Variants in PRR14L observed in about 807,000 individuals in gnomAD.
The protein encoded by PRR14L is proline rich 14 like.
In PRR14L, 80 loss-of-function variants were observed where a neutral mutation model predicts 155.0. The observed-to-expected ratio is 0.52, with a 90% CI of 0.43 to 0.62. The LOEUF (loss-of-function observed/expected upper bound fraction) is 0.62. Ranked by LOEUF, PRR14L falls within the 20% of genes least tolerant of loss-of-function variation. The pLI is 0.00. For missense variants in PRR14L, 2,469 were observed against 2,548.0 expected (o/e 0.97, Z 0.67); for synonymous variants, 883 against 916.0 (o/e 0.96, Z 0.65).
In PRR14L at chr22:31,720,792, A is replaced by T. The variant is rs192203969; in HGVS notation, c.548-3501T>A. 3.0e-3 allele frequency among the ~76,000 whole-genome samples: 455 copies of T among 152,246 alleles called. 3 individuals are homozygous for T. Among genetic ancestry groups the T allele is most frequent in the Non-Finnish European group, 5.2e-3 (357 of 68,016 alleles). On this transcript the variant is annotated intron_variant, in intron 3 of 8. Coordinates refer to ENST00000327423, the MANE Select transcript of PRR14L (RefSeq NM_173566.3). ...CAGTTCTCCAAATTATATAAGGTAG[A>T]TTTTCCCTCCTTGACTACTTTCACC... is the stretch of plus-strand genomic sequence containing the variant.
chr22:31,719,654 T>C (rs1001050893), intron 3 of PRR14L, among the ~76,000 whole-genome samples: 1 of 152,062 alleles, frequency 6.6e-6, no homozygotes, highest in African/African-American at 2.4e-5. Flanking sequence ...CATTTCTCAA[T>C]AGGTCCTGAG....
At chr22:31,733,308 T>TTTTTTTG (rs1428506232) in intron 2 of PRR14L, among the ~76,000 whole-genome samples, 1 of 141,100 alleles carries the variant, frequency 7.1e-6, no homozygotes, top group African/African-American at 2.7e-5. Flanking sequence ...GTTTTTTTTT[T>TTTTTTTG]TTTTTTTTTT....
intron 7 of PRR14L, among the ~76,000 whole-genome samples, chr22:31,700,245 T>A (rs569127001): frequency 1.3e-5 from 2 of 152,370 alleles, no homozygotes; most frequent in East Asian, 3.9e-4. Flanking sequence ...CTCTCCCAAC[T>A]ACTTATTTAT....
chr22:31,719,897 C>T (rs1390369607), intron 3 of PRR14L, among the ~76,000 whole-genome samples: 3 of 152,052 alleles, frequency 2.0e-5, no homozygotes, highest in East Asian at 1.9e-4. Context: ...CCACCATGTC[C>T]GGCTAATTTT....
intron 7 of PRR14L, among the ~76,000 whole-genome samples, chr22:31,692,249 T>C (rs2074515448): frequency 6.6e-6 from 1 of 152,182 alleles, no homozygotes; most frequent in East Asian, 1.9e-4. Context: ...TGCCAATTTT[T>C]TTTTTTACAG....
In PRR14L at chr22:31,738,535, T is replaced by G; in HGVS notation, c.326A>C (p.Asp109Ala). 6.4e-7 allele frequency: 1 copy of G among 1,552,014 alleles called. No individual in the cohort carries two copies. Among genetic ancestry groups the G allele is most frequent in the African/African-American group, 1.4e-5 (1 of 73,148 alleles). The change falls in exon 2 of 9, where the codon GAT becomes GCT. Residue 109 changes from aspartate to alanine, a missense_variant. This residue lies in a region of PRR14L where 2,363 missense variants were observed against 2,371.6 expected (regional missense o/e 1.00). Transcript: ENST00000327423. ...CATGCTCTCGCTTCTCTTTGCCCTA[T>G]CCAAGATCCCAGATGCCACAGAACC... Reference protein sequence around the residue: ...AGGSVASGILDRAKRSESMEP... With the variant: ...AGGSVASGILARAKRSESMEP...
Position 31,684,812 on chromosome 22 carries a change from AAC to A in PRR14L, c.*713_*714del. Reference sequence around the variant, plus strand: ...ACACATGCAGCAATAATAGTACAAAAACAACAACAAAAAAGAAAATAAAACAA... The same window carrying A: ...ACACATGCAGCAATAATAGTACAAAAAACAACAAAAAAGAAAATAAAACAA... On this transcript the variant is annotated 3_prime_UTR_variant, in exon 9 of 9. Transcript: ENST00000327423. The A allele has an allele frequency of 6.6e-6, 1 of 152,340 alleles. No individual in the cohort carries two copies. Among genetic ancestry groups the A allele is most frequent in the South Asian group, 2.1e-4 (1 of 4,828 alleles). 9.4% of individuals were successfully genotyped at this position (152,340 alleles called of 1,614,324 possible).
At chr22:31,711,863 T>C (rs1443358722) in intron 4 of PRR14L, among the ~76,000 whole-genome samples, 2 of 143,244 alleles carry the variant, frequency 1.4e-5, no homozygotes, top group African/African-American at 2.6e-5. Flanking sequence ...TGGTGTGAAA[T>C]ACAGAAGTAG....
chr22:31,718,937 G>A (rs935451174), intron 3 of PRR14L, among the ~76,000 whole-genome samples: 3 of 152,102 alleles, frequency 2.0e-5, no homozygotes, highest in African/African-American at 7.2e-5. Flanking sequence ...AGCTGGGCAT[G>A]GTGGCACATG....
At chr22:31,744,825 G>A (rs2074829466) in intron 1 of PRR14L, among the ~76,000 whole-genome samples, 1 of 152,174 alleles carries the variant, frequency 6.6e-6, no homozygotes, top group Non-Finnish European at 1.5e-5. Context: ...TTACTAAACA[G>A]ATCTTTATCA....
chr22:31,687,131 G>A (rs558618540), intron 8 of PRR14L, among the ~76,000 whole-genome samples: 4 of 152,036 alleles, frequency 2.6e-5, no homozygotes, highest in East Asian at 1.9e-4. Context: ...TCCACCCCCC[G>A]GGTTCAAGCG....
rs1326599266 is a variant in PRR14L at position 31,703,470 on chromosome 22, G to A, written c.6000+80C>T. ...CGTAAAGATACTCAGAAGCCAGTCT[G>A]TAGCTATAATGCGATGTGAGTTGAC... On this transcript the variant is annotated intron_variant, in intron 6 of 8. Transcript: ENST00000327423. 3.7e-6 allele frequency: 5 copies of A among 1,353,730 alleles called. No individual in the cohort carries two copies. In the East Asian group the frequency reaches 9.7e-5, roughly 26 times the overall value. 83.9% of individuals were successfully genotyped at this position (1,353,730 alleles called of 1,614,324 possible). A position where few individuals can be genotyped will look rare whatever the true frequency, so the allele number is the denominator to read the frequency against.
At chr22:31,707,368 T>G (rs1046477542) in intron 4 of PRR14L, among the ~76,000 whole-genome samples, 3 of 151,898 alleles carry the variant, frequency 2.0e-5, no homozygotes, top group Non-Finnish European at 4.4e-5. Flanking sequence ...ACAAACAGTT[T>G]GGAGGAAGTG....
rs2074477499 is a variant in PRR14L, at chr22:31,685,446, G to C, written c.*81C>G. On this transcript the variant is annotated 3_prime_UTR_variant, in exon 9 of 9. Transcript: ENST00000327423. ...AAAATTAGGCAACCTTTTCCAAGGA[G>C]GTCCAAAAAAAAAAAAAAAACCCAA... The C allele has an allele frequency of 2.7e-6, 3 of 1,102,014 alleles. No homozygotes were observed. In the South Asian group the frequency reaches 5.1e-5, roughly 19 times the overall value. The allele number at this position is 1,102,014 out of a possible 1,614,324, so 68.3% of individuals were successfully genotyped here.
intron 2 of PRR14L, among the ~76,000 whole-genome samples, chr22:31,730,088 G>T (rs2074739675): frequency 3.3e-5 from 5 of 151,156 alleles, no homozygotes. Context: ...AGAGGTTACA[G>T]TGAGCTGAGA....
At chr22:31,688,743 C>CT (rs935081657) in intron 7 of PRR14L, among the ~76,000 whole-genome samples, 8 of 151,778 alleles carry the variant, frequency 5.3e-5, no homozygotes, top group Admixed American at 4.6e-4. Context: ...ACTGACTGTT[C>CT]TTTTTTTTCT....
chr22:31,726,874 T>C (rs1314066877), intron 2 of PRR14L, among the ~76,000 whole-genome samples: 1 of 152,160 alleles, frequency 6.6e-6, no homozygotes, highest in African/African-American at 2.4e-5. Flanking sequence ...AAGCTTCCAT[T>C]CTTCATGAGA....
At chr22:31,696,973 G>A (rs1266150259) in intron 7 of PRR14L, among the ~76,000 whole-genome samples, 3 of 152,100 alleles carry the variant, frequency 2.0e-5, no homozygotes, top group Non-Finnish European at 2.9e-5. Flanking sequence ...AAATTAGCTG[G>A]GTGTGGTGGC....
chr22:31,714,030 A>G lies in PRR14L; in HGVS notation c.3809T>C (p.Leu1270Pro), dbSNP rs1339734812. 1 of 1,550,922 alleles carries G rather than the reference A, an allele frequency of 6.4e-7. No individual in the cohort carries two copies. The highest frequency in any genetic ancestry group is 8.7e-7 in the Non-Finnish European group (1 of 1,146,846). The change falls in exon 4 of 9, where the codon CTT becomes CCT. Residue 1270 changes from leucine (L) to proline (P), a missense_variant. Around this residue, in one of 2 missense-constraint regions of PRR14L, gnomAD observed 2,363 missense variants for 2,371.6 expected, o/e 1.00. Transcript: ENST00000327423. The part of the protein sequence containing the change: ...NLCKPKDGEM[L>P]CENVKDCTVL... ...TGTGCAGTCCTTTACATTTTCACAA[A>G]GCATTTCACCATCTTTTGGTTTACA...
Sources: gnomAD v4.1 joint callset for allele counts (sites outside exome capture counted in the v4.1 genomes callset) on GRCh38, gnomAD v4.1.1 for gene constraint, gnomAD v4.1.1 regional missense constraint, MANE v1.5 for transcripts, NCBI Gene and HGNC (gene_info 2026-07-23, HGNC 2026-07-21) for gene names.